ASS1: variants seen among roughly 807,000 people sequenced by gnomAD.
ASS1 encodes argininosuccinate synthase.
Under a neutral mutation model 60.5 loss-of-function variants are expected in ASS1, and 58 were observed. The observed-to-expected ratio is 0.96, with a 90% CI of 0.78 to 1.19. The LOEUF (loss-of-function observed/expected upper bound fraction) is 1.19, where lower values mean the gene tolerates loss of function less well. ASS1 is among the 50% of genes most tolerant of loss of function. ASS1 has a pLI of 0.00. For missense variants in ASS1, 454 were observed against 547.3 expected (o/e 0.83, Z 1.70); for synonymous variants, 200 against 206.9 (o/e 0.97, Z 0.29).
chr9:130,451,150 A>G (rs954648544), intron 1 of ASS1, among the ~76,000 whole-genome samples: 4 of 152,204 alleles, frequency 2.6e-5, no homozygotes, highest in African/African-American at 7.2e-5. Flanking sequence ...GGCGAGCCCA[A>G]GGGCAGCCCA....
chr9:130,451,528 G>A (rs779319003), intron 1 of ASS1: 3 of 324,544 alleles, frequency 9.2e-6, no homozygotes, highest in Middle Eastern at 1.1e-3. Context: ...AGCCAGTGAA[G>A]GTTCCATGGG....
At chr9:130,466,700 C>T in intron 5 of ASS1, 25 bp from the exon 6 acceptor site, 1 of 1,611,432 alleles carries the variant, frequency 6.2e-7, no homozygotes, top group South Asian at 1.1e-5. Flanking sequence ...GCCCTCCCGG[C>T]TCTGACCCCT....
chr9:130,486,987 G>A (rs184938618), intron 11 of ASS1, among the ~76,000 whole-genome samples: 8 of 151,560 alleles, frequency 5.3e-5, no homozygotes, highest in Admixed American at 3.9e-4. Flanking sequence ...GGGAGACCCC[G>A]GGGCCGGGCC....
chr9:130,485,849 C>A (rs1198067470), intron 11 of ASS1, among the ~76,000 whole-genome samples: 2 of 152,144 alleles, frequency 1.3e-5, no homozygotes, highest in African/African-American at 4.8e-5. Context: ...GCTCCTCGAA[C>A]TTTATCGTTA....
At chr9:130,449,796 T>G (rs1845282678) in intron 1 of ASS1, among the ~76,000 whole-genome samples, 2 of 152,198 alleles carry the variant, frequency 1.3e-5, no homozygotes, top group South Asian at 4.1e-4. Context: ...GTGGTGTTGA[T>G]GTCACGGGCG....
chr9:130,492,029 AG>A (rs1274753254), intron 12 of ASS1, among the ~76,000 whole-genome samples: 1 of 152,172 alleles, frequency 6.6e-6, no homozygotes, highest in African/African-American at 2.4e-5. Flanking sequence ...CCATCTGAAG[AG>A]TGGGAATAAC....
intron 14 of ASS1, 148 bp from the exon 15 acceptor site, chr9:130,500,828 C>A: frequency 2.7e-6 from 2 of 732,118 alleles, no homozygotes; most frequent in Non-Finnish European, 4.8e-6. Flanking sequence ...GGGGCCAGGG[C>A]GGGAGAGGGA....
chr9:130,487,672 T>C (rs1392182893), intron 11 of ASS1, among the ~76,000 whole-genome samples: 2 of 152,112 alleles, frequency 1.3e-5, no homozygotes, highest in Non-Finnish European at 2.9e-5. Context: ...GAGTGGAACA[T>C]ACAGTGTTTG....
rs781774407 is a variant in ASS1, at chr9:130,459,705, G to C, written c.363+1116G>C. On this transcript the variant is annotated intron_variant, in intron 4 of 14. Coordinates refer to ENST00000352480, the MANE Select transcript of ASS1 (RefSeq NM_054012.4). This position sits in a 1 kb window ranked among gnomAD's most constrained non-coding sequence, Gnocchi z 4.6. ...CAGCCTTGGCCTCCCAAAGCACTGG[G>C]ATTACAGGCGTGGGCCACCATGCCC... 6.6e-6 allele frequency among the ~76,000 whole-genome samples: 1 copy of C among 152,234 alleles called. No homozygotes were observed. The highest frequency in any genetic ancestry group is 6.5e-5 in the Admixed American group (1 of 15,288).
At chr9:130,499,390 C>G (rs1014336419) in intron 13 of ASS1, 115 bp from the exon 14 acceptor site, 25 of 1,107,006 alleles carry the variant, frequency 2.3e-5, no homozygotes, top group Non-Finnish European at 3.1e-5. Context: ...TTTGGACCCA[C>G]ACAGGGGAAA....
chr9:130,456,819 G>A lies in ASS1; in HGVS notation c.175-1582G>A, dbSNP rs146306430. On this transcript the variant is annotated intron_variant, in intron 3 of 14. Transcript: ENST00000352480. Reference sequence around the variant, plus strand: ...CACATGCCTGTAGTCCCAGCCACTCGGGAGGCTGAGGCAGGAGAATCACTT... The same window carrying A: ...CACATGCCTGTAGTCCCAGCCACTCAGGAGGCTGAGGCAGGAGAATCACTT... 6.5e-3 allele frequency among the ~76,000 whole-genome samples: 981 copies of A among 152,054 alleles called. 13 individuals are homozygous for A. The highest frequency in any genetic ancestry group is 0.023 in the African/African-American group (938 of 41,458).
At chr9:130,479,673 T>C (rs1282945196) in intron 9 of ASS1, 43 bp from the exon 10 acceptor site, 1 of 1,527,594 alleles carries the variant, frequency 6.5e-7, no homozygotes, top group Non-Finnish European at 9.1e-7. Context: ...ACTCCTCCGC[T>C]GAGCCGGGCC....
rs1473247456 is a variant in ASS1, at chr9:130,500,893, C to T, written c.1194-83C>T. 5 of 1,488,112 alleles carry T rather than the reference C, an allele frequency of 3.4e-6. No homozygotes were observed. The African/African-American group carries it at 5.5e-5, about 16-fold the overall frequency. 92.2% of individuals were successfully genotyped at this position (1,488,112 alleles called of 1,614,324 possible). On this transcript the variant is annotated intron_variant, in intron 14 of 14. Transcript: ENST00000352480. ...TTAACAAACAGCTGCCCCAGCCACC[C>T]CAGCTCTGCCTGAATTAATTGAACC...
intron 11 of ASS1, among the ~76,000 whole-genome samples, chr9:130,483,548 G>T (rs1385671714): frequency 6.6e-6 from 1 of 150,676 alleles, no homozygotes; most frequent in African/African-American, 2.4e-5. Flanking sequence ...TGAAGTAAAT[G>T]AAATCAGTGG....
In ASS1 at chr9:130,474,213, G is replaced by A. The variant is rs1845957297; in HGVS notation, c.598-2658G>A. On this transcript the variant is annotated intron_variant, in intron 8 of 14. Coordinates refer to ENST00000352480, the MANE Select transcript of ASS1 (RefSeq NM_054012.4). The stretch of plus-strand genomic sequence containing the variant: ...AGAAGGCAGGCGCTCGAGCCACCGC[G>A]GAATGCAAAGCAAATGTCATTTTAT... Among the ~76,000 whole-genome samples, 3 of 152,092 alleles carry A rather than the reference G, an allele frequency of 2.0e-5. No individual in the cohort carries two copies. The South Asian group carries it at 6.3e-4, about 32-fold the overall frequency.
intron 6 of ASS1, among the ~76,000 whole-genome samples, chr9:130,468,593 A>G (rs909743840): frequency 1.3e-5 from 2 of 151,756 alleles, no homozygotes; most frequent in African/African-American, 4.8e-5. Flanking sequence ...TGTTTTTCAT[A>G]TATTTATTTA....
At chr9:130,485,480 GC>G (rs1564158609) in intron 11 of ASS1, among the ~76,000 whole-genome samples, 1 of 152,168 alleles carries the variant, frequency 6.6e-6, no homozygotes, top group Non-Finnish European at 1.5e-5. Flanking sequence ...GACTCCTGGT[GC>G]CCAGCTCCAG....
At chr9:130,453,015 C>G (rs1619401) in intron 2 of ASS1, among the ~76,000 whole-genome samples, 144,218 of 152,300 alleles carry the variant, frequency 0.95, 68,544 homozygotes, top group East Asian at 1. Flanking sequence ...CAACTGAGAA[C>G]TCCAGGGGTA....
At chr9:130,480,898 G>A (rs566351024) in intron 11 of ASS1, among the ~76,000 whole-genome samples, 11 of 152,352 alleles carry the variant, frequency 7.2e-5, no homozygotes, top group South Asian at 4.1e-4. Flanking sequence ...ACTGGGAGCC[G>A]GCCAGGGCCT....
Sources: allele counts gnomAD v4.1 joint callset (sites outside exome capture counted in the v4.1 genomes callset), GRCh38; gene constraint gnomAD v4.1.1; non-coding constraint Gnocchi (gnomAD v3.1); transcripts MANE v1.5; gene names NCBI Gene and HGNC (gene_info 2026-07-23, HGNC 2026-07-21).